The following AFAP1L2 variants were observed in gnomAD, a reference collection of about 807,000 sequenced individuals.
The protein encoded by AFAP1L2 is actin filament-associated protein 1-like 2.
In AFAP1L2, 46 loss-of-function variants were observed where a neutral mutation model predicts 99.3. The observed-to-expected ratio is 0.46, with a 90% CI of 0.37 to 0.59. The LOEUF (loss-of-function observed/expected upper bound fraction) is 0.59. AFAP1L2 is among the 20% of genes least tolerant of loss of function. AFAP1L2 has a pLI of 0.00. For synonymous variants in AFAP1L2, 397 were observed against 419.1 expected (o/e 0.95, Z 0.64); for missense variants, 959 against 1,034.9 (o/e 0.93, Z 1.01).
intron 7 of AFAP1L2, among the ~76,000 whole-genome samples, chr10:114,311,277 CCCTT>C (rs1466796475): frequency 1.3e-5 from 2 of 152,154 alleles, no homozygotes; most frequent in Non-Finnish European, 2.9e-5. Flanking sequence ...CAGGGGCACT[CCCTT>C]CTTGCCGGGG....
At chr10:114,338,508 G>A (rs935107805) in intron 2 of AFAP1L2, among the ~76,000 whole-genome samples, 3 of 152,178 alleles carry the variant, frequency 2.0e-5, no homozygotes, top group South Asian at 4.1e-4. Context: ...CGCCTCCTTC[G>A]TAATAGTTCA....
downstream of AFAP1L2, chr10:114,290,329 T>C (rs2039449017): frequency 6.4e-7 from 1 of 1,550,410 alleles, no homozygotes; most frequent in Non-Finnish European, 8.7e-7. Flanking sequence ...CCGCTGCAAG[T>C]GTCGGGATGG....
At chr10:114,366,497 G>A (rs1442671607) in intron 1 of AFAP1L2, among the ~76,000 whole-genome samples, 1 of 152,164 alleles carries the variant, frequency 6.6e-6, no homozygotes, top group African/African-American at 2.4e-5. Flanking sequence ...TGAAGAAGGA[G>A]GAAGAAAATA....
At chr10:114,384,325 C>G (rs879544879) in intron 1 of AFAP1L2, among the ~76,000 whole-genome samples, 1 of 138,344 alleles carries the variant, frequency 7.2e-6, no homozygotes, top group African/African-American at 2.9e-5. Context: ...TGTCTGTCGT[C>G]CCCCCCCCGC....
Position 114,313,935 on chromosome 10 carries a change from G to A in AFAP1L2, c.728C>T (p.Pro243Leu), listed in dbSNP as rs201322840. The part of the protein sequence containing the change: ...RKKEHKLKIT[P>L]MNADVIVLGL... The stretch of plus-strand genomic sequence containing the variant: ...CAGCACAATCACATCGGCATTCATC[G>A]GCGTGATCTTCAGCTTGTGCTCCTT... Residue 243 changes from proline to leucine, a missense_variant, in exon 7 of 19, where the codon CCG (proline) becomes CTG (leucine). Pro to Leu is a moderately conservative substitution (Grantham distance 98, BLOSUM62 -3). This residue lies in a region of AFAP1L2 where 383 missense variants were observed against 472.8 expected (regional missense o/e 0.81). Coordinates refer to ENST00000304129, the MANE Select transcript of AFAP1L2 (RefSeq NM_001001936.3). 8.7e-6 allele frequency: 14 copies of A among 1,613,806 alleles called. No homozygotes were observed. The highest frequency in any genetic ancestry group is 2.2e-5 in the East Asian group (1 of 44,846).
At chr10:114,371,688 A>C (rs2054128079) in intron 1 of AFAP1L2, among the ~76,000 whole-genome samples, 1 of 152,168 alleles carries the variant, frequency 6.6e-6, no homozygotes, top group Non-Finnish European at 1.5e-5. Context: ...GAGGGAGAGC[A>C]TTAGGAGAAA....
At chr10:114,289,392 G>GCGGAGGCTT in the AFAP1L2 span, 1 of 1,602,204 alleles carries the variant, frequency 6.2e-7, no homozygotes, top group Non-Finnish European at 8.6e-7. Flanking sequence ...GTGAGGGTCT[G>GCGGAGGCTT]CGGAGGCTTG....
chr10:114,358,686 G>A (rs927772045), intron 1 of AFAP1L2, among the ~76,000 whole-genome samples: 2 of 152,148 alleles, frequency 1.3e-5, no homozygotes, highest in African/African-American at 4.8e-5. Context: ...AGCCTGAGGT[G>A]GGTGGATCAC....
intron 1 of AFAP1L2, among the ~76,000 whole-genome samples, chr10:114,361,819 C>T (rs1366146354): frequency 7.9e-5 from 12 of 152,100 alleles, no homozygotes; most frequent in Non-Finnish European, 1.3e-4. Flanking sequence ...GAGTGTACAT[C>T]CACATGTCTC....
intron 7 of AFAP1L2, among the ~76,000 whole-genome samples, chr10:114,312,872 C>A (rs939115956): frequency 3.3e-5 from 5 of 152,180 alleles, no homozygotes; most frequent in African/African-American, 1.2e-4. Flanking sequence ...TTAGGACAGG[C>A]CTGGCATTTC....
At chr10:114,404,529 C>A (rs2058549298), upstream of AFAP1L2, 1 of 1,490,722 alleles carries the variant, frequency 6.7e-7, no homozygotes, top group South Asian at 1.3e-5. Flanking sequence ...GCGCCCAGGC[C>A]GCCGCGCTGG....
chr10:114,361,418 G>A (rs892369118), intron 1 of AFAP1L2, among the ~76,000 whole-genome samples: 2 of 152,148 alleles, frequency 1.3e-5, no homozygotes, highest in African/African-American at 2.4e-5. Context: ...AAATATCAAT[G>A]AGACTGTCTG....
chr10:114,364,093 G>C (rs1015409938), intron 1 of AFAP1L2, among the ~76,000 whole-genome samples: 11 of 152,152 alleles, frequency 7.2e-5, no homozygotes, highest in African/African-American at 2.4e-4. Context: ...TTCATTCTTT[G>C]AGTCCCTCTT....
chr10:114,371,568 A>C (rs2054105370), intron 1 of AFAP1L2, among the ~76,000 whole-genome samples: 2 of 151,948 alleles, frequency 1.3e-5, no homozygotes, highest in Non-Finnish European at 2.9e-5. Flanking sequence ...CACAAAGAAA[A>C]CCAAACACCG....
intron 1 of AFAP1L2, among the ~76,000 whole-genome samples, chr10:114,363,350 C>A (rs1248176519): frequency 3.9e-5 from 6 of 152,196 alleles, no homozygotes; most frequent in Non-Finnish European, 1.5e-5. Context: ...CAGCGGTCCA[C>A]TGTGCCATTC....
intron 1 of AFAP1L2, among the ~76,000 whole-genome samples, chr10:114,394,953 G>A (rs2057536669): frequency 6.6e-6 from 1 of 152,094 alleles, no homozygotes; most frequent in Non-Finnish European, 1.5e-5. Flanking sequence ...TACAGAAACC[G>A]TGCTTGACCA....
intron 1 of AFAP1L2, among the ~76,000 whole-genome samples, chr10:114,357,235 C>T (rs904576158): frequency 4.6e-5 from 7 of 152,294 alleles, no homozygotes; most frequent in African/African-American, 1.4e-4. Flanking sequence ...AAGGACGCCT[C>T]GGATCCTCAC....
intron 1 of AFAP1L2, among the ~76,000 whole-genome samples, chr10:114,359,580 G>T (rs868013630): frequency 6.6e-6 from 1 of 152,218 alleles, no homozygotes; most frequent in Admixed American, 6.5e-5. Context: ...TGGGGAGTTA[G>T]AACTGCTAAA....
chr10:114,367,201 G>C (rs2053405412), intron 1 of AFAP1L2, among the ~76,000 whole-genome samples: 1 of 152,120 alleles, frequency 6.6e-6, no homozygotes, highest in Non-Finnish European at 1.5e-5. Flanking sequence ...TGTGTAACAG[G>C]AGCCTTCTTG....
Sources: allele counts gnomAD v4.1 joint callset (sites outside exome capture counted in the v4.1 genomes callset), GRCh38; gene constraint gnomAD v4.1.1; regional missense constraint gnomAD v4.1.1; transcripts MANE v1.5; gene names NCBI Gene and HGNC (gene_info 2026-07-23, HGNC 2026-07-21).